The following STK4 variants were observed in gnomAD, a reference collection of about 807,000 sequenced individuals.
STK4 encodes serine/threonine-protein kinase 4.
Under a neutral mutation model 64.9 loss-of-function variants are expected in STK4, and 30 were observed. The ratio of observed to expected loss-of-function variants is 0.46; its 90% confidence interval spans 0.35 to 0.63. The LOEUF (loss-of-function observed/expected upper bound fraction) is 0.63. Ranked by LOEUF, STK4 falls within the 20% of genes least tolerant of loss-of-function variation. The pLI is 0.01. For synonymous variants in STK4, 177 were observed against 199.0 expected (o/e 0.89, Z 0.93); for missense variants, 466 against 598.5 (o/e 0.78, Z 2.31).
At chr20:45,048,785 A>G (rs1348503466) in intron 10 of STK4, among the ~76,000 whole-genome samples, 1 of 152,086 alleles carries the variant, frequency 6.6e-6, no homozygotes, top group African/African-American at 2.4e-5. Flanking sequence ...CCCAGCCATG[A>G]TATTTATTTT....
chr20:45,000,680 G>A, intron 8 of STK4, 160 bp downstream of exon 8: 4 of 1,032,218 alleles, frequency 3.9e-6, no homozygotes, highest in Non-Finnish European at 5.6e-6. Context: ...CTAGAGGGTT[G>A]TTGTATCTGT....
intron 10 of STK4, among the ~76,000 whole-genome samples, chr20:45,046,396 C>G (rs2068695493): frequency 6.6e-6 from 1 of 150,500 alleles, no homozygotes; most frequent in Non-Finnish European, 1.5e-5. Context: ...GACTGTGGCA[C>G]TGCACTGTAG....
chr20:45,069,049 C>T (rs1427419483), intron 10 of STK4, among the ~76,000 whole-genome samples: 2 of 152,204 alleles, frequency 1.3e-5, no homozygotes, highest in Non-Finnish European at 2.9e-5. Context: ...CTTTGGCAGA[C>T]ATCAGACCTC....
chr20:44,976,997 TG>T (rs1197667333), intron 2 of STK4, among the ~76,000 whole-genome samples: 1 of 152,182 alleles, frequency 6.6e-6, no homozygotes, highest in Non-Finnish European at 1.5e-5. Context: ...CAAATTTCAG[TG>T]GCCAGAACTG....
At position 45,078,209 on chromosome 20, in the gene STK4, T is replaced by TG. The variant is rs1980665096; in HGVS notation, c.*3033_*3034insG. The stretch of plus-strand genomic sequence containing the variant: ...TCTCAGAATTCTTTTTTTGTTTGTG[T>TG]TTTTTTTTTTTTTTGAGACAGAGTC... On this transcript the variant is annotated 3_prime_UTR_variant, in exon 11 of 11. Coordinates refer to ENST00000372806, the MANE Select transcript of STK4 (RefSeq NM_006282.5). The TG allele has an allele frequency of 1.1e-5, 1 of 91,184 alleles. No individual in the cohort carries two copies. The highest frequency in any genetic ancestry group is 3.5e-5 in the African/African-American group (1 of 28,648). The allele number at this position is 91,184 out of a possible 1,614,324, so 5.6% of individuals were successfully genotyped here.
intron 9 of STK4, among the ~76,000 whole-genome samples, chr20:45,002,884 A>G (rs1242893181): frequency 6.6e-6 from 1 of 152,022 alleles, no homozygotes; most frequent in Non-Finnish European, 1.5e-5. Flanking sequence ...CTATGACATC[A>G]GTGGTATTTT....
At chr20:44,967,077 G>A (rs2067162808) in intron 1 of STK4, 1 of 937,370 alleles carries the variant, frequency 1.1e-6, no homozygotes, top group Non-Finnish European at 1.3e-6. Context: ...GAGGGGAAAA[G>A]CTTTGCGCCT....
chr20:44,971,782 T>G (rs2067251730), intron 1 of STK4, among the ~76,000 whole-genome samples: 2 of 151,770 alleles, frequency 1.3e-5, no homozygotes, highest in Admixed American at 6.6e-5. Context: ...GCCATTCTTA[T>G]GCTTCAGCGT....
chr20:44,974,351 G>T (rs184930079), intron 2 of STK4: 5 of 152,284 alleles, frequency 3.3e-5, no homozygotes, highest in African/African-American at 7.2e-5. Flanking sequence ...AATAATACCA[G>T]ATTTCTGGTA....
intron 9 of STK4, among the ~76,000 whole-genome samples, chr20:45,023,588 A>G (rs2068287623): frequency 6.6e-6 from 1 of 152,202 alleles, no homozygotes; most frequent in Admixed American, 6.5e-5. Flanking sequence ...CTGTATTAGA[A>G]TACTAATCAG....
chr20:45,054,578 CAA>C (rs1225643041), intron 10 of STK4, among the ~76,000 whole-genome samples: 76 of 64,636 alleles, frequency 1.2e-3, no homozygotes, highest in African/African-American at 3.9e-3. Flanking sequence ...TTTTTTTTTT[CAA>C]AAAAAAAAAA....
chr20:44,975,237 T>G, intron 2 of STK4: 1 of 354,146 alleles, frequency 2.8e-6, no homozygotes, highest in Non-Finnish European at 3.9e-6. Flanking sequence ...AATCATCTCA[T>G]TTTGTTGTAG....
Position 44,984,346 on chromosome 20 carries a change from G to A in STK4, c.360+2403G>A, listed in dbSNP as rs1249956867. On this transcript the variant is annotated intron_variant, in intron 4 of 10. Transcript: ENST00000372806. ...GGTAGCTGTACTCCCTAGTACAGGC[G>A]CCCGCCACCACGCCTGGCTAATTTG... Among the ~76,000 whole-genome samples the A allele has an allele frequency of 5.3e-5, 8 of 151,574 alleles. No individual in the cohort carries two copies. The South Asian group carries it at 8.4e-4, about 16-fold the overall frequency.
At chr20:45,074,513 G>A (rs1325105971) in intron 10 of STK4, among the ~76,000 whole-genome samples, 1 of 152,050 alleles carries the variant, frequency 6.6e-6, no homozygotes, top group Admixed American at 6.6e-5. Context: ...CAAGACATTG[G>A]GGGTGTGGGA....
chr20:45,024,516 G>C (rs763062355), intron 9 of STK4, among the ~76,000 whole-genome samples: 4 of 152,060 alleles, frequency 2.6e-5, no homozygotes, highest in Non-Finnish European at 4.4e-5. Context: ...TAGATTATGA[G>C]ATTATCAAAG....
chr20:45,011,765 C>T (rs1329808362), intron 9 of STK4, among the ~76,000 whole-genome samples: 2 of 109,150 alleles, frequency 1.8e-5, no homozygotes, highest in African/African-American at 7.2e-5. Flanking sequence ...TTGTTGGGAG[C>T]CAGGACTAAG....
At chr20:44,972,763 C>T (rs574814800) in intron 2 of STK4, 1 of 151,976 alleles carries the variant, frequency 6.6e-6, no homozygotes, top group African/African-American at 2.4e-5. Flanking sequence ...TTAATTCAAT[C>T]CTGTGTATTT....
At chr20:44,970,871 A>G (rs1381940635) in intron 1 of STK4, among the ~76,000 whole-genome samples, 1 of 149,912 alleles carries the variant, frequency 6.7e-6, no homozygotes, top group Non-Finnish European at 1.5e-5. Context: ...AATCTGTTTT[A>G]TTTAGGAAGG....
intron 2 of STK4, among the ~76,000 whole-genome samples, chr20:44,978,093 C>T (rs1378244912): frequency 1.3e-5 from 2 of 152,130 alleles, no homozygotes; most frequent in African/African-American, 4.8e-5. Flanking sequence ...TTACATTTAC[C>T]TGTAAAATAG....
Sources: gnomAD v4.1 joint callset for allele counts (sites outside exome capture counted in the v4.1 genomes callset) on GRCh38, gnomAD v4.1.1 for gene constraint, MANE v1.5 for transcripts, NCBI Gene and HGNC (gene_info 2026-07-23, HGNC 2026-07-21) for gene names.